Variants in SEMA3A observed in about 807,000 individuals in gnomAD.
SEMA3A encodes semaphorin-3A.
A neutral mutation model predicts 97.9 loss-of-function variants in SEMA3A; 29 were observed. That is an observed-to-expected ratio of 0.30 (90% CI 0.22 to 0.40). The LOEUF (loss-of-function observed/expected upper bound fraction) is 0.40. Among genes scored for constraint, SEMA3A ranks in the 10% least tolerant of loss-of-function variants. SEMA3A has a pLI of 1.00. For missense variants in SEMA3A, 763 were observed against 951.3 expected, an observed-to-expected ratio of 0.80 and a Z score of 2.60; for synonymous variants, 321 against 323.7, an observed-to-expected ratio of 0.99 and a Z score of 0.09.
intron 1 of SEMA3A, among the ~76,000 whole-genome samples, chr7:84,458,876 A>C (rs1805752115): frequency 6.6e-6 from 1 of 152,062 alleles, no homozygotes; most frequent in African/African-American, 2.4e-5. Context: ...TAGCTTTCCT[A>C]CTTTACTATT....
At chr7:84,002,451 G>T (rs1433835371) in intron 11 of SEMA3A, among the ~76,000 whole-genome samples, 2 of 152,088 alleles carry the variant, frequency 1.3e-5, no homozygotes, top group Non-Finnish European at 2.9e-5. Context: ...AATAACGTCA[G>T]TTTGTCACGA....
At chr7:84,011,770 A>C (rs1358598135) in intron 7 of SEMA3A, among the ~76,000 whole-genome samples, 1 of 152,228 alleles carries the variant, frequency 6.6e-6, no homozygotes, top group Non-Finnish European at 1.5e-5. Context: ...TGTCACCACA[A>C]AAAATAAGTA....
chr7:84,090,805 G>A (rs1216501642), intron 4 of SEMA3A, among the ~76,000 whole-genome samples: 4 of 151,908 alleles, frequency 2.6e-5, no homozygotes, highest in Admixed American at 6.6e-5. Context: ...GGTGGCTCAC[G>A]CCTGTAATCC....
At chr7:84,099,585 T>A (rs2115892339) in intron 4 of SEMA3A, among the ~76,000 whole-genome samples, 1 of 152,206 alleles carries the variant, frequency 6.6e-6, no homozygotes, top group Non-Finnish European at 1.5e-5. Flanking sequence ...GAGTTAAAAT[T>A]AAATGTGCAT....
intron 5 of SEMA3A, among the ~76,000 whole-genome samples, chr7:84,057,672 G>C (rs1481844735): frequency 6.6e-6 from 1 of 151,980 alleles, no homozygotes; most frequent in Non-Finnish European, 1.5e-5. Context: ...GGCTGAGGTA[G>C]GAGAATTGCT....
At chr7:84,020,714 C>A (rs926322848) in intron 6 of SEMA3A, among the ~76,000 whole-genome samples, 5 of 152,012 alleles carry the variant, frequency 3.3e-5, no homozygotes, top group African/African-American at 4.8e-5. Flanking sequence ...AAATTTAATA[C>A]CAAAAGTATT....
chr7:84,448,420 T>C (rs1183111928), intron 1 of SEMA3A, among the ~76,000 whole-genome samples: 1 of 152,108 alleles, frequency 6.6e-6, no homozygotes, highest in Non-Finnish European at 1.5e-5. Flanking sequence ...AAAAAATTAT[T>C]AGAACTAATA....
chr7:84,061,379 T>C (rs1230029998), intron 4 of SEMA3A, among the ~76,000 whole-genome samples: 1 of 152,182 alleles, frequency 6.6e-6, no homozygotes, highest in Non-Finnish European at 1.5e-5. Context: ...TAATTCACGC[T>C]TGAGACCCTG....
chr7:84,388,560 G>A (rs1040035418), intron 1 of SEMA3A, among the ~76,000 whole-genome samples: 1 of 151,730 alleles, frequency 6.6e-6, no homozygotes, highest in Non-Finnish European at 1.5e-5. Flanking sequence ...AGACAACAAG[G>A]CTGCTATTAC....
intron 6 of SEMA3A, among the ~76,000 whole-genome samples, chr7:84,037,315 TTTTG>T (rs1299964562): frequency 6.6e-6 from 1 of 152,020 alleles, no homozygotes; most frequent in Admixed American, 6.6e-5. Context: ...CCCTGGCATC[TTTTG>T]TTTATTTGTT....
At chr7:84,444,766 T>C (rs1217449217) in intron 1 of SEMA3A, among the ~76,000 whole-genome samples, 1 of 152,042 alleles carries the variant, frequency 6.6e-6, no homozygotes, top group East Asian at 1.9e-4. Flanking sequence ...TTCACCGTGT[T>C]AGCCAGGATG....
intron 1 of SEMA3A, among the ~76,000 whole-genome samples, chr7:84,410,386 C>T (rs534554110): frequency 2.0e-5 from 3 of 152,104 alleles, no homozygotes; most frequent in Admixed American, 6.6e-5. Context: ...CTCATGCCTA[C>T]ATGGCTATGT....
Position 83,958,942 on chromosome 7 carries a change from A to C in SEMA3A, c.*2429T>G. The C allele has an allele frequency of 6.6e-6, 1 of 152,074 alleles. No individual in the cohort carries two copies. The highest frequency in any genetic ancestry group is 1.9e-4 in the East Asian group (1 of 5,190). 9.4% of individuals were successfully genotyped at this position (152,074 alleles called of 1,614,324 possible). On this transcript the variant is annotated 3_prime_UTR_variant, in exon 17 of 17. Coordinates refer to ENST00000265362, the MANE Select transcript of SEMA3A (RefSeq NM_006080.3). Reference sequence around the variant, plus strand: ...AGTCTATTTAAAGCTGAATTATTAAATGGGCCAATAATTCTTTTTCGTGCA... The same window carrying C: ...AGTCTATTTAAAGCTGAATTATTAACTGGGCCAATAATTCTTTTTCGTGCA...
At chr7:84,351,605 G>A (rs1416043403) in intron 2 of SEMA3A, among the ~76,000 whole-genome samples, 5 of 151,884 alleles carry the variant, frequency 3.3e-5, no homozygotes, top group East Asian at 1.9e-4. Flanking sequence ...AATGGTAAAC[G>A]TGTATATGAA....
intron 1 of SEMA3A, among the ~76,000 whole-genome samples, chr7:84,445,516 A>AAAAAAAAAAAG (rs1805391070): frequency 8.1e-6 from 1 of 123,686 alleles, no homozygotes; most frequent in African/African-American, 3.6e-5. Context: ...AAAAAAAAAA[A>AAAAAAAAAAAG]AAAAGAAAAG....
chr7:84,454,723 T>G (rs922529495), intron 1 of SEMA3A, among the ~76,000 whole-genome samples: 3 of 152,000 alleles, frequency 2.0e-5, no homozygotes, highest in African/African-American at 7.2e-5. Context: ...TTCATATTGT[T>G]CAACAAAAAC....
In SEMA3A at chr7:84,240,624, C is replaced by A. The variant is rs61344659; in HGVS notation, c.-82-45956G>T. Among the ~76,000 whole-genome samples the A allele has an allele frequency of 8.3e-3, 1,261 of 152,206 alleles. 14 individuals carry two copies. Among genetic ancestry groups the A allele is most frequent in the African/African-American group, 0.029 (1,212 of 41,542 alleles). ...GGACAGCTAACACATTGATTGGATC[C>A]AGTGGTACTAATGCTGAACATGTGC... On this transcript the variant is annotated intron_variant, in intron 3 of 3. Coordinates refer to the SEMA3A transcript ENST00000424555.
intron 1 of SEMA3A, among the ~76,000 whole-genome samples, chr7:84,178,952 C>A (rs1010738909): frequency 1.2e-4 from 19 of 152,082 alleles, no homozygotes; most frequent in Non-Finnish European, 2.2e-4. Flanking sequence ...TCTTTCCCAC[C>A]CCTCCATGCC....
chr7:84,142,476 T>C (rs1796322898), intron 1 of SEMA3A, among the ~76,000 whole-genome samples: 1 of 152,196 alleles, frequency 6.6e-6, no homozygotes, highest in African/African-American at 2.4e-5. Context: ...AGAGCTAGTA[T>C]GATGTAGAGT....
Sources: gnomAD v4.1 joint callset for allele counts (sites outside exome capture counted in the v4.1 genomes callset) on GRCh38, gnomAD v4.1.1 for gene constraint, MANE v1.5 for transcripts, NCBI Gene and HGNC (gene_info 2026-07-23, HGNC 2026-07-21) for gene names.